The following UNC5C variants were observed in gnomAD, a reference collection of about 807,000 sequenced individuals.
UNC5C encodes the protein netrin receptor UNC5C.
In UNC5C, 47 loss-of-function variants were observed where a neutral mutation model predicts 99.8. The ratio of observed to expected loss-of-function variants is 0.47; its 90% CI spans 0.37 to 0.60. The LOEUF (loss-of-function observed/expected upper bound fraction) is 0.60, where lower values mean the gene tolerates loss of function less well. Ranked by LOEUF, UNC5C falls within the 20% of genes least tolerant of loss-of-function variation. The pLI is 0.00. For missense variants in UNC5C, 1,062 were observed against 1,165.9 expected, an observed-to-expected ratio of 0.91 and a Z score of 1.30; for synonymous variants, 487 against 452.2, an observed-to-expected ratio of 1.08 and a Z score of -0.98.
intron 1 of UNC5C, among the ~76,000 whole-genome samples, chr4:95,486,387 T>G (rs1368702314): frequency 8.7e-6 from 1 of 114,554 alleles, no homozygotes; most frequent in Non-Finnish European, 2.2e-5. Context: ...TTTCTAAAAT[T>G]CTTTGACTCC....
chr4:95,468,578 C>T (rs191786728), intron 1 of UNC5C, among the ~76,000 whole-genome samples: 2 of 152,142 alleles, frequency 1.3e-5, no homozygotes, highest in African/African-American at 4.8e-5. Flanking sequence ...CTGTTTGAGG[C>T]TTGATGGCTC....
intron 1 of UNC5C, among the ~76,000 whole-genome samples, chr4:95,501,861 A>G (rs921475122): frequency 6.6e-6 from 1 of 152,142 alleles, no homozygotes; most frequent in African/African-American, 2.4e-5. Context: ...ACAGTTTTTG[A>G]AAAATATATA....
rs1739659031 is a variant in UNC5C at position 95,250,495 on chromosome 4, A to G, written c.767T>C (p.Ile256Thr). 2 of 1,613,878 alleles carry G rather than the reference A, an allele frequency of 1.2e-6. No homozygotes were observed. Among genetic ancestry groups the G allele is most frequent in the Non-Finnish European group, 1.7e-6 (2 of 1,179,918 alleles). ...AKRKSTTATV[I>T]VYVNGGWSTW... ...CCTGAAGGGCCACTCACCATAGACTATGACAGTGGCAGTTGTACTTTTCCT... is the reference window on the plus strand; with the variant it reads ...CCTGAAGGGCCACTCACCATAGACTGTGACAGTGGCAGTTGTACTTTTCCT... The change falls in exon 5 of 16, where the codon ATA becomes ACA. Residue 256 changes from isoleucine to threonine, a missense_variant. Physicochemically the swap from Ile to Thr is moderately conservative, Grantham distance 89. Coordinates refer to ENST00000453304, the MANE Select transcript of UNC5C (RefSeq NM_003728.4).
At chr4:95,250,713 CT>C (rs752540319) in intron 4 of UNC5C, 46 bp from the exon 5 acceptor site, 2 of 1,582,934 alleles carry the variant, frequency 1.3e-6, no homozygotes, top group Admixed American at 1.7e-5. Context: ...CATGGATCCC[CT>C]GATGGCTGTC....
rs937596273 is a variant in UNC5C, at chr4:95,166,392, A to G, written c.*2842T>C. On this transcript the variant is annotated 3_prime_UTR_variant, in exon 16 of 16. Coordinates refer to ENST00000453304, the MANE Select transcript of UNC5C (RefSeq NM_003728.4). ...GAAGTTGTCATTCACTTAATAGGAA[A>G]CATTAAGGGTTCTGACAGATGAGTA... 3 of 152,208 alleles carry G rather than the reference A, an allele frequency of 2.0e-5. No homozygotes were observed. The highest frequency in any genetic ancestry group is 2.9e-5 in the Non-Finnish European group (2 of 68,034). The allele number at this position is 152,208 out of a possible 1,614,324, so 9.4% of individuals were successfully genotyped here. A position where few individuals can be genotyped will look rare whatever the true frequency, so the allele number is the denominator to read the frequency against.
rs904408851 is a variant in UNC5C at position 95,216,646 on chromosome 4, A to G, written c.1646-435T>C. Among the ~76,000 whole-genome samples, 19 of 152,360 alleles carry G rather than the reference A, an allele frequency of 1.2e-4. No individual in the cohort carries two copies. In the East Asian group the frequency reaches 1.7e-3, roughly 14 times the overall value. ...TTTTTTAAATATCCGGTTAGCATCAATGTAATTCCACAATGGTATAAGAAT... is the reference window on the plus strand; with the variant it reads ...TTTTTTAAATATCCGGTTAGCATCAGTGTAATTCCACAATGGTATAAGAAT... On this transcript the variant is annotated intron_variant, in intron 9 of 15. Coordinates refer to ENST00000453304, the MANE Select transcript of UNC5C (RefSeq NM_003728.4).
At chr4:95,333,728 A>G (rs1328359116) in intron 2 of UNC5C, among the ~76,000 whole-genome samples, 1 of 152,166 alleles carries the variant, frequency 6.6e-6, no homozygotes, top group African/African-American at 2.4e-5. Context: ...TAATAATAAA[A>G]AAAGAATAGT....
chr4:95,179,807 C>T (rs1048394267), intron 14 of UNC5C, among the ~76,000 whole-genome samples: 2 of 150,668 alleles, frequency 1.3e-5, no homozygotes, highest in Non-Finnish European at 3.0e-5. Context: ...CCTAAAACTG[C>T]ACCTTTTTTC....
intron 4 of UNC5C, among the ~76,000 whole-genome samples, chr4:95,276,978 A>T (rs1740884640): frequency 6.6e-6 from 1 of 152,208 alleles, no homozygotes; most frequent in Non-Finnish European, 1.5e-5. Context: ...ATTTTCAATT[A>T]ATTATTATTA....
chr4:95,199,697 T>C (rs544542151), intron 12 of UNC5C, among the ~76,000 whole-genome samples: 38 of 152,348 alleles, frequency 2.5e-4, no homozygotes, highest in Non-Finnish European at 4.4e-4. Context: ...GAGAGAACTA[T>C]GTGTGTGAAT....
At chr4:95,361,993 A>T (rs1744410207) in intron 1 of UNC5C, among the ~76,000 whole-genome samples, 1 of 151,736 alleles carries the variant, frequency 6.6e-6, no homozygotes, top group Admixed American at 6.6e-5. Flanking sequence ...CTTACTTCTA[A>T]TCACTTACAA....
At chr4:95,548,251 G>A (rs1578221764) in intron 1 of UNC5C, among the ~76,000 whole-genome samples, 1 of 152,034 alleles carries the variant, frequency 6.6e-6, no homozygotes, top group African/African-American at 2.4e-5. Context: ...CGCCCTTCGG[G>A]GTCTAGTGTG....
At position 95,165,037 on chromosome 4, in the gene UNC5C, G is replaced by C. The variant is rs1479742592; in HGVS notation, c.*4197C>G. On this transcript the variant is annotated 3_prime_UTR_variant, in exon 16 of 16. Transcript: ENST00000453304. ...TACGTGGATTACAGAGGAGTAAGCA[G>C]ACCAAGAGCACAGCTGCTGTGATCC... The C allele has an allele frequency of 6.6e-6, 1 of 152,220 alleles. No individual in the cohort carries two copies. Among genetic ancestry groups the C allele is most frequent in the Non-Finnish European group, 1.5e-5 (1 of 68,046 alleles). 9.4% of individuals were successfully genotyped at this position (152,220 alleles called of 1,614,324 possible).
At chr4:95,185,538 T>TAAAG (rs765581033) in intron 12 of UNC5C, among the ~76,000 whole-genome samples, 4 of 152,018 alleles carry the variant, frequency 2.6e-5, no homozygotes, top group South Asian at 2.1e-4. Context: ...AGCCATAAAT[T>TAAAG]AAAGAAAAAA....
At position 95,358,129 on chromosome 4, in the gene UNC5C, G is replaced by A. The variant is rs375192675; in HGVS notation, c.125-22498C>T. Among the ~76,000 whole-genome samples, 154 of 152,150 alleles carry A rather than the reference G, an allele frequency of 1.0e-3. 3 individuals carry two copies. The highest frequency in any genetic ancestry group is 3.2e-3 in the African/African-American group (133 of 41,500). On this transcript the variant is annotated intron_variant, in intron 1 of 15. Coordinates refer to ENST00000453304, the MANE Select transcript of UNC5C (RefSeq NM_003728.4). ...AAAAAAACACCACTGCACATTTATG[G>A]CTTTGGTAATGTTTACATGGTACCA...
chr4:95,265,746 G>A (rs1327971016), intron 4 of UNC5C, among the ~76,000 whole-genome samples: 1 of 152,122 alleles, frequency 6.6e-6, no homozygotes, highest in Non-Finnish European at 1.5e-5. Flanking sequence ...GGAAAACAGT[G>A]CTTTGGAGTC....
chr4:95,182,088 G>T (rs1188004920), intron 14 of UNC5C, among the ~76,000 whole-genome samples: 1 of 151,430 alleles, frequency 6.6e-6, no homozygotes, highest in Non-Finnish European at 1.5e-5. Context: ...GGTGTGAAGG[G>T]TTATCAATTT....
chr4:95,200,720 G>T (rs1259783224), intron 12 of UNC5C, among the ~76,000 whole-genome samples: 1 of 152,068 alleles, frequency 6.6e-6, no homozygotes, highest in Non-Finnish European at 1.5e-5. Context: ...TAACGTAGTT[G>T]GTTTCTGAAT....
intron 1 of UNC5C, among the ~76,000 whole-genome samples, chr4:95,429,745 T>A (rs1746582314): frequency 6.6e-6 from 1 of 152,198 alleles, no homozygotes; most frequent in Non-Finnish European, 1.5e-5. Flanking sequence ...TGACTGGCAG[T>A]TATTGACACA....
Sources: gnomAD v4.1 joint callset for allele counts (sites outside exome capture counted in the v4.1 genomes callset) on GRCh38, gnomAD v4.1.1 for gene constraint, MANE v1.5 for transcripts, NCBI Gene and HGNC (gene_info 2026-07-23, HGNC 2026-07-21) for gene names.